DLG2: variants seen among roughly 807,000 people sequenced by gnomAD.
The protein encoded by DLG2 is disks large homolog 2.
Under a neutral mutation model 132.5 loss-of-function variants are expected in DLG2, and 45 were observed. The observed-to-expected ratio is 0.34, with a 90% CI of 0.27 to 0.44. The LOEUF (loss-of-function observed/expected upper bound fraction) is 0.44, where lower values mean the gene tolerates loss of function less well. Ranked by LOEUF, DLG2 falls within the 20% of genes least tolerant of loss-of-function variation. The pLI is 1.00. For synonymous variants in DLG2, 424 were observed against 419.6 expected, an observed-to-expected ratio of 1.01 and a Z score of -0.13; for missense variants, 1,045 against 1,196.9, an observed-to-expected ratio of 0.87 and a Z score of 1.87.
chr11:85,414,921 T>C (rs1282808689), intron 3 of DLG2, among the ~76,000 whole-genome samples: 1 of 152,128 alleles, frequency 6.6e-6, no homozygotes, highest in African/African-American at 2.4e-5. Flanking sequence ...GCAGATTTTT[T>C]ACATAGGTAT....
At chr11:84,859,370 A>G (rs927280297) in intron 6 of DLG2, among the ~76,000 whole-genome samples, 1 of 146,800 alleles carries the variant, frequency 6.8e-6, no homozygotes, top group Non-Finnish European at 1.5e-5. Flanking sequence ...ATATGTATAT[A>G]TACACATATA....
chr11:83,738,425 C>T (rs1400303944), intron 18 of DLG2, among the ~76,000 whole-genome samples: 1 of 152,018 alleles, frequency 6.6e-6, no homozygotes, highest in Non-Finnish European at 1.5e-5. Context: ...CACTAGCAAA[C>T]CACTGGCATT....
chr11:83,741,542 A>G (rs2092511745), intron 18 of DLG2, among the ~76,000 whole-genome samples: 2 of 152,178 alleles, frequency 1.3e-5, no homozygotes, highest in Non-Finnish European at 2.9e-5. Context: ...CATGAACACA[A>G]TCCCACATAT....
intron 11 of DLG2, among the ~76,000 whole-genome samples, chr11:84,032,426 C>G (rs2095727324): frequency 6.6e-6 from 1 of 152,124 alleles, no homozygotes; most frequent in South Asian, 2.1e-4. Context: ...TAAAGCCTAA[C>G]CCAGAGCAAG....
At chr11:83,562,748 T>C (rs895043233) in intron 19 of DLG2, among the ~76,000 whole-genome samples, 1 of 151,938 alleles carries the variant, frequency 6.6e-6, no homozygotes, top group Non-Finnish European at 1.5e-5. Flanking sequence ...TTGAAGTAGG[T>C]TTTTTCTATA....
chr11:85,592,504 A>G (rs1488000106), intron 3 of DLG2, among the ~76,000 whole-genome samples: 2 of 152,248 alleles, frequency 1.3e-5, no homozygotes, highest in African/African-American at 4.8e-5. Flanking sequence ...CAGCAACAAC[A>G]TATCAATGTA....
intron 4 of DLG2, among the ~76,000 whole-genome samples, chr11:85,173,003 A>C (rs533805211): frequency 2.6e-5 from 4 of 152,202 alleles, no homozygotes; most frequent in South Asian, 2.1e-4. Flanking sequence ...TGATTGGGGT[A>C]CCTGAAAGAG....
chr11:84,958,795 T>G (rs1362598277), intron 6 of DLG2, among the ~76,000 whole-genome samples: 1 of 152,182 alleles, frequency 6.6e-6, no homozygotes, highest in Non-Finnish European at 1.5e-5. Context: ...AATAAAATAT[T>G]CTTAACTACA....
At chr11:84,405,721 GA>G (rs913145570) in intron 7 of DLG2, among the ~76,000 whole-genome samples, 2 of 152,124 alleles carry the variant, frequency 1.3e-5, no homozygotes, top group African/African-American at 4.8e-5. Flanking sequence ...TACTAAGGGG[GA>G]AAAAAAGCTA....
intron 10 of DLG2, among the ~76,000 whole-genome samples, chr11:84,074,483 T>A (rs2154147540): frequency 6.6e-6 from 1 of 151,774 alleles, no homozygotes; most frequent in Non-Finnish European, 1.5e-5. Flanking sequence ...CGGGTTCCAC[T>A]CCTGTTTTCT....
At chr11:83,839,973 C>T (rs1375737886) in intron 16 of DLG2, among the ~76,000 whole-genome samples, 1 of 152,186 alleles carries the variant, frequency 6.6e-6, no homozygotes, top group Non-Finnish European at 1.5e-5. Flanking sequence ...CAAATACATT[C>T]TCCTCCCTAA....
intron 6 of DLG2, among the ~76,000 whole-genome samples, chr11:85,009,430 A>G (rs906914082): frequency 6.6e-6 from 1 of 152,144 alleles, no homozygotes; most frequent in East Asian, 1.9e-4. Context: ...CAAGCCATAA[A>G]TAAGTTTATC....
chr11:85,251,064 A>C lies in DLG2; in HGVS notation c.186+34156T>G, dbSNP rs1245245744. ...TCCATAGCTACTTCTATCAACAGTA[A>C]GGTTGTTAGCATTCTCAGTATAAAA... On this transcript the variant is annotated intron_variant, in intron 4 of 27. Coordinates refer to ENST00000376104, the MANE Select transcript of DLG2 (RefSeq NM_001142699.3). Among the ~76,000 whole-genome samples, 8 of 152,284 alleles carry C rather than the reference A, an allele frequency of 5.3e-5. No individual in the cohort carries two copies. The East Asian group carries it at 1.5e-3, about 29-fold the overall frequency.
intron 3 of DLG2, among the ~76,000 whole-genome samples, chr11:85,392,361 C>T (rs995915570): frequency 5.9e-5 from 9 of 151,550 alleles, no homozygotes; most frequent in Non-Finnish European, 1.3e-4. Flanking sequence ...GACCATACTG[C>T]CAAAAGCAAT....
chr11:84,915,673 G>C (rs951496277), intron 6 of DLG2, among the ~76,000 whole-genome samples: 3 of 152,112 alleles, frequency 2.0e-5, no homozygotes, highest in Admixed American at 2.0e-4. Flanking sequence ...AAATTAATTA[G>C]AGATTAATTA....
At chr11:83,581,407 T>A (rs950818758) in intron 19 of DLG2, among the ~76,000 whole-genome samples, 4 of 152,168 alleles carry the variant, frequency 2.6e-5, no homozygotes, top group African/African-American at 7.2e-5. Context: ...AGCTTAGTAA[T>A]AATTCTATAA....
intron 18 of DLG2, among the ~76,000 whole-genome samples, chr11:83,715,681 A>G (rs950255707): frequency 6.6e-6 from 1 of 152,168 alleles, no homozygotes; most frequent in Non-Finnish European, 1.5e-5. Flanking sequence ...ACTGGGCATA[A>G]CGATTGTTCC....
At chr11:84,481,739 C>A (rs1003175949) in intron 7 of DLG2, among the ~76,000 whole-genome samples, 3 of 152,146 alleles carry the variant, frequency 2.0e-5, no homozygotes, top group Non-Finnish European at 4.4e-5. Context: ...ATAGCATTTT[C>A]TGCATTCTAT....
At chr11:85,517,228 C>T (rs1238184169) in intron 3 of DLG2, among the ~76,000 whole-genome samples, 1 of 151,792 alleles carries the variant, frequency 6.6e-6, no homozygotes, top group East Asian at 1.9e-4. Context: ...ATTCAACATC[C>T]TATCATGATT....
Sources: allele counts gnomAD v4.1 joint callset (sites outside exome capture counted in the v4.1 genomes callset), GRCh38; gene constraint gnomAD v4.1.1; transcripts MANE v1.5; gene names NCBI Gene and HGNC (gene_info 2026-07-23, HGNC 2026-07-21).